The following SNTG1 variants were observed in gnomAD, a reference collection of about 807,000 sequenced individuals.
SNTG1 encodes the protein syntrophin gamma 1, also known as gamma-1-syntrophin.
A neutral mutation model predicts 74.7 loss-of-function variants in SNTG1; 39 were observed. That is an observed-to-expected ratio of 0.52 (90% CI 0.40 to 0.68). SNTG1 has a LOEUF of 0.68. Among genes scored for constraint, SNTG1 ranks in the 30% least tolerant of loss-of-function variants. SNTG1 has a pLI of 0.00. For missense variants in SNTG1, 685 were observed against 609.5 expected (o/e 1.12, Z -1.30); for synonymous variants, 254 against 217.1 (o/e 1.17, Z -1.49).
intron 2 of SNTG1, among the ~76,000 whole-genome samples, chr8:50,355,677 T>C (rs2091797682): frequency 6.6e-6 from 1 of 152,222 alleles, no homozygotes; most frequent in Non-Finnish European, 1.5e-5. Context: ...CTGAGAAATG[T>C]GATGCTCAAA....
chr8:50,336,053 A>G (rs1183218095), intron 2 of SNTG1, among the ~76,000 whole-genome samples: 1 of 152,078 alleles, frequency 6.6e-6, no homozygotes, highest in Non-Finnish European at 1.5e-5. Flanking sequence ...CTTTAACTTC[A>G]GGAAGGGTGA....
At chr8:50,352,545 C>T (rs2131012135) in intron 2 of SNTG1, among the ~76,000 whole-genome samples, 1 of 152,172 alleles carries the variant, frequency 6.6e-6, no homozygotes, top group South Asian at 2.1e-4. Context: ...CATGCGCCAC[C>T]ACACCTGGCT....
intron 12 of SNTG1, among the ~76,000 whole-genome samples, chr8:50,589,105 A>G (rs899758699): frequency 1.3e-5 from 2 of 152,050 alleles, no homozygotes; most frequent in Non-Finnish European, 2.9e-5. Context: ...TTCTTGCCTT[A>G]TTTTTGAGCC....
intron 1 of SNTG1, among the ~76,000 whole-genome samples, chr8:50,073,667 T>A (rs1821574592): frequency 6.6e-6 from 1 of 152,112 alleles, no homozygotes; most frequent in African/African-American, 2.4e-5. Flanking sequence ...AACTCAAAAT[T>A]ACTCTTTGAT....
chr8:50,521,637 C>T (rs2130167235), intron 9 of SNTG1, among the ~76,000 whole-genome samples: 1 of 152,244 alleles, frequency 6.6e-6, no homozygotes, highest in East Asian at 1.9e-4. Flanking sequence ...ATGTAATCTT[C>T]TTGGGGGATT....
chr8:50,553,966 T>A (rs908021385), intron 12 of SNTG1, among the ~76,000 whole-genome samples: 6 of 152,184 alleles, frequency 3.9e-5, no homozygotes, highest in African/African-American at 1.4e-4. Context: ...TGTTGAGGCA[T>A]TTCAGAAGTC....
In SNTG1 at chr8:50,259,497, T is replaced by TA. The variant is rs1563810003; in HGVS notation, c.-28+86862_-28+86863insA. On this transcript the variant is annotated intron_variant, in intron 2 of 18. Transcript: ENST00000642720. ...CTGGGCGACAGAGAGAGACGCTGTC[T>TA]CAAAAAAAAAAAAAGAAAGAAAGAA... 8.8e-4 allele frequency among the ~76,000 whole-genome samples: 65 copies of TA among 73,722 alleles called. 3 individuals are homozygous for TA. Among genetic ancestry groups the TA allele is most frequent in the African/African-American group, 7.1e-3 (60 of 8,396 alleles). 48.4% of individuals were successfully genotyped at this position (73,722 alleles called of 152,430 possible). A position where few individuals can be genotyped will look rare whatever the true frequency, so the allele number is the denominator to read the frequency against.
At chr8:50,179,414 A>G (rs2083118717) in intron 2 of SNTG1, among the ~76,000 whole-genome samples, 1 of 152,208 alleles carries the variant, frequency 6.6e-6, no homozygotes, top group South Asian at 2.1e-4. Context: ...TTTTAAAAAT[A>G]TTAAAACTTT....
At chr8:49,952,334 A>G (rs1265606892) in intron 1 of SNTG1, among the ~76,000 whole-genome samples, 3 of 152,202 alleles carry the variant, frequency 2.0e-5, no homozygotes, top group Non-Finnish European at 4.4e-5. Context: ...TGATGAGAAT[A>G]TGGGGAGAGA....
rs964560894 is a variant in SNTG1 at position 50,274,189 on chromosome 8, C to T, written c.-28+101554C>T. Among the ~76,000 whole-genome samples the T allele has an allele frequency of 2.6e-5, 4 of 151,874 alleles. No individual in the cohort carries two copies. In the East Asian group the frequency reaches 5.8e-4, roughly 22 times the overall value. On this transcript the variant is annotated intron_variant, in intron 2 of 18. Coordinates refer to ENST00000642720, the MANE Select transcript of SNTG1 (RefSeq NM_018967.5). ...TGCACCCTCGCCTCCCAGGTTCAAG[C>T]GATTCTCCCACCTCAGCCCCCCTAG...
rs138327481 is a variant in SNTG1 at position 50,329,769 on chromosome 8, A to T, written c.-27-64443A>T. Among the ~76,000 whole-genome samples the T allele has an allele frequency of 1.8e-3, 278 of 151,922 alleles. 4 individuals carry two copies. The East Asian group carries it at 0.05, about 27-fold the overall frequency. On this transcript the variant is annotated intron_variant, in intron 2 of 18. Transcript: ENST00000642720. ...AGTGATTAGCATATGGCTCCTCCTT[A>T]CTTATGCAAATTTCTGCAGCTGGCT...
chr8:50,058,745 T>C (rs1820233346), intron 1 of SNTG1, among the ~76,000 whole-genome samples: 1 of 151,718 alleles, frequency 6.6e-6, no homozygotes, highest in Non-Finnish European at 1.5e-5. Flanking sequence ...TGTGTGTGTG[T>C]GTGTGTGTGT....
intron 1 of SNTG1, among the ~76,000 whole-genome samples, chr8:50,159,360 G>A (rs1489809450): frequency 6.6e-6 from 1 of 152,120 alleles, no homozygotes; most frequent in Non-Finnish European, 1.5e-5. Context: ...AATTTCTGCA[G>A]TATAAATTAT....
rs766742501 is a variant in SNTG1, at chr8:50,794,761, A to G, written c.*1932A>G. ...TGTGCCCCATATTGGGGTTACATGA[A>G]TGTGTCCACAATCTGGAAGGCAATA... On this transcript the variant is annotated 3_prime_UTR_variant, in exon 19 of 19. Coordinates refer to ENST00000642720, the MANE Select transcript of SNTG1 (RefSeq NM_018967.5). 18 of 152,022 alleles carry G rather than the reference A, an allele frequency of 1.2e-4. No individual in the cohort carries two copies. Among genetic ancestry groups the G allele is most frequent in the Non-Finnish European group, 1.8e-4 (12 of 67,960 alleles). 9.4% of individuals were successfully genotyped at this position (152,022 alleles called of 1,614,324 possible). A position where few individuals can be genotyped will look rare whatever the true frequency, so the allele number is the denominator to read the frequency against.
In SNTG1 at chr8:50,368,598, TC is replaced by T. The variant is rs2092182981; in HGVS notation, c.-27-25612del. 5.3e-5 allele frequency among the ~76,000 whole-genome samples: 8 copies of T among 152,104 alleles called. No individual in the cohort carries two copies. In the South Asian group the frequency reaches 1.7e-3, roughly 32 times the overall value. On this transcript the variant is annotated intron_variant, in intron 2 of 18. Transcript: ENST00000642720. ...AGCAAATGGATTACACCATCAAAGA[TC>T]CGGCCCGTTTGAACTGAAGAGGATA... is the stretch of plus-strand genomic sequence containing the variant.
rs115454228 is a variant in SNTG1, at chr8:50,231,123, C to T, written c.-28+58488C>T. ...CAAAGATACAAATAGCTAACAGATA[C>T]ATCAAAAAAATTCAACATCACTAAC... On this transcript the variant is annotated intron_variant, in intron 2 of 18. Transcript: ENST00000642720. Among the ~76,000 whole-genome samples the T allele has an allele frequency of 4.2e-3, 639 of 151,370 alleles. 9 individuals are homozygous for T. Among genetic ancestry groups the T allele is most frequent in the African/African-American group, 0.014 (582 of 41,442 alleles).
chr8:50,327,448 T>A (rs542173627), intron 2 of SNTG1, among the ~76,000 whole-genome samples: 57 of 152,284 alleles, frequency 3.7e-4, no homozygotes, highest in African/African-American at 1.3e-3. Context: ...TGCTTTTTAG[T>A]CTGCTGTCTC....
At chr8:50,156,486 T>C (rs993311457) in intron 1 of SNTG1, among the ~76,000 whole-genome samples, 7 of 152,054 alleles carry the variant, frequency 4.6e-5, no homozygotes, top group Admixed American at 6.6e-5. Flanking sequence ...AATACAAAAA[T>C]CAATATATGC....
chr8:50,135,597 T>C (rs893476205), intron 1 of SNTG1, among the ~76,000 whole-genome samples: 1 of 152,098 alleles, frequency 6.6e-6, no homozygotes, highest in Non-Finnish European at 1.5e-5. Context: ...CTTTACAAGG[T>C]CTTTCATGAT....
Sources: allele counts gnomAD v4.1 joint callset (sites outside exome capture counted in the v4.1 genomes callset), GRCh38; gene constraint gnomAD v4.1.1; transcripts MANE v1.5; gene names NCBI Gene and HGNC (gene_info 2026-07-23, HGNC 2026-07-21).